Variants in ANKH observed in about 807,000 individuals in gnomAD.
ANKH encodes the protein mineralization regulator ANKH.
Under a neutral mutation model 49.0 loss-of-function variants are expected in ANKH, and 15 were observed. The ratio of observed to expected loss-of-function variants is 0.31; its 90% CI spans 0.20 to 0.47. The LOEUF (loss-of-function observed/expected upper bound fraction) is 0.47. Among genes scored for constraint, ANKH ranks in the 20% least tolerant of loss-of-function variants. ANKH has a pLI of 1.00. For missense variants in ANKH, 429 were observed against 652.0 expected (o/e 0.66, Z 3.72); for synonymous variants, 273 against 260.0 (o/e 1.05, Z -0.48).
chr5:14,821,019 G>T (rs938146107), intron 1 of ANKH, among the ~76,000 whole-genome samples: 2 of 151,624 alleles, frequency 1.3e-5, no homozygotes, highest in East Asian at 3.9e-4. Flanking sequence ...GATTGCTTGA[G>T]CTTGGGAGAT....
intron 1 of ANKH, among the ~76,000 whole-genome samples, chr5:14,776,880 C>T (rs73050705): frequency 0.012 from 1,770 of 152,318 alleles, 40 homozygotes; most frequent in African/African-American, 0.041. Flanking sequence ...AATATGAAGC[C>T]GCCCTTTAAT....
chr5:14,812,695 C>T (rs1463032312), intron 1 of ANKH, among the ~76,000 whole-genome samples: 1 of 152,188 alleles, frequency 6.6e-6, no homozygotes, highest in East Asian at 1.9e-4. Context: ...AGTTCCTTAC[C>T]TTCCACCCTT....
At chr5:14,769,841 T>G (rs1739380178) in intron 1 of ANKH, among the ~76,000 whole-genome samples, 1 of 152,198 alleles carries the variant, frequency 6.6e-6, no homozygotes, top group Non-Finnish European at 1.5e-5. Context: ...AAGAACACCT[T>G]TAGACTAAAA....
intron 1 of ANKH, among the ~76,000 whole-genome samples, chr5:14,805,334 T>C (rs1401483157): frequency 6.6e-6 from 1 of 151,462 alleles, no homozygotes; most frequent in African/African-American, 2.4e-5. Flanking sequence ...TGCAGAACTT[T>C]GTGATCGTGT....
rs1554004778 is a variant in ANKH at position 14,771,937 on chromosome 5, A to AAC, written c.97-2747_97-2746insGT. 8.4e-3 allele frequency among the ~76,000 whole-genome samples: 1,173 copies of AAC among 140,414 alleles called. 45 individuals are homozygous for AAC. Among genetic ancestry groups the AAC allele is most frequent in the African/African-American group, 0.029 (1,083 of 37,058 alleles). 92.1% of individuals were successfully genotyped at this position (140,414 alleles called of 152,430 possible). On this transcript the variant is annotated intron_variant, in intron 1 of 11. Coordinates refer to ENST00000284268, the MANE Select transcript of ANKH (RefSeq NM_054027.6). ...TCAAAAAAAGAAAAAAAAAAAAAAA[A>AAC]AAAAAAAAAACCAAAACAAAACAAA...
chr5:14,859,202 T>G (rs773505293), intron 1 of ANKH, among the ~76,000 whole-genome samples: 22 of 152,334 alleles, frequency 1.4e-4, no homozygotes, highest in Non-Finnish European at 2.5e-4. Context: ...GTAACTACTA[T>G]TCTACCTTCT....
Position 14,871,370 on chromosome 5 carries a change from G to A in ANKH, c.78C>T (p.Ala26=), listed in dbSNP as rs1735817454. The A allele has an allele frequency of 6.2e-7, 1 of 1,613,472 alleles. No individual in the cohort carries two copies. Among genetic ancestry groups the A allele is most frequent in the Non-Finnish European group, 8.5e-7 (1 of 1,179,692 alleles). The change falls in exon 1 of 12, where the codon GCC becomes GCT. Residue 26 remains alanine, a synonymous_variant. Transcript: ENST00000284268. The part of the protein sequence containing the change: ...FLVPLGITNI[A]IDFGEQALNR... ...GGCTTACCTGCTCCCCGAAGTCGAT[G>A]GCTATGTTGGTGATGCCCAGGGGCA... is the stretch of plus-strand genomic sequence containing the variant.
intron 2 of ANKH, among the ~76,000 whole-genome samples, chr5:14,767,236 G>A (rs748399888): frequency 2.0e-5 from 3 of 152,182 alleles, no homozygotes; most frequent in Non-Finnish European, 4.4e-5. Context: ...GAACAAAGAT[G>A]CCCGACGTAG....
intron 1 of ANKH, among the ~76,000 whole-genome samples, chr5:14,777,282 A>T (rs1200239590): frequency 2.0e-5 from 3 of 152,168 alleles, no homozygotes; most frequent in African/African-American, 7.2e-5. Flanking sequence ...GCAAAACTCC[A>T]TCACAAAAAC....
chr5:14,810,072 G>A (rs576351750), intron 1 of ANKH, among the ~76,000 whole-genome samples: 23 of 152,008 alleles, frequency 1.5e-4, no homozygotes, highest in Admixed American at 1.2e-3. Context: ...TAGCTTCTGC[G>A]TTTCTCTACA....
intron 1 of ANKH, among the ~76,000 whole-genome samples, chr5:14,794,489 T>C (rs998841779): frequency 6.6e-6 from 1 of 152,232 alleles, no homozygotes; most frequent in Non-Finnish European, 1.5e-5. Context: ...CCTATCTTCT[T>C]TCGTATCCTA....
At chr5:14,711,384 C>T in intron 11 of ANKH, 74 bp from the exon 12 acceptor site, 3 of 1,333,912 alleles carry the variant, frequency 2.2e-6, no homozygotes, top group Non-Finnish European at 3.2e-6. Flanking sequence ...AGCAGGGAGA[C>T]AACACCGGGG....
At chr5:14,821,127 C>T (rs1414406804) in intron 1 of ANKH, among the ~76,000 whole-genome samples, 1 of 151,446 alleles carries the variant, frequency 6.6e-6, no homozygotes, top group East Asian at 1.9e-4. Flanking sequence ...AGTTATTAAA[C>T]TTCAAAACAT....
At chr5:14,805,750 G>A (rs1740693293) in intron 1 of ANKH, among the ~76,000 whole-genome samples, 2 of 151,912 alleles carry the variant, frequency 1.3e-5, no homozygotes, top group Admixed American at 6.6e-5. Context: ...GATGCCTAAC[G>A]GCCCTGCAGA....
chr5:14,863,136 A>G (rs1025365095), intron 1 of ANKH, among the ~76,000 whole-genome samples: 3 of 152,230 alleles, frequency 2.0e-5, no homozygotes, highest in Non-Finnish European at 4.4e-5. Flanking sequence ...AGTTACTGAA[A>G]CCAGTAGCAA....
chr5:14,720,491 G>C (rs1033365391), intron 8 of ANKH, among the ~76,000 whole-genome samples: 1 of 152,154 alleles, frequency 6.6e-6, no homozygotes, highest in Non-Finnish European at 1.5e-5. Flanking sequence ...CATGGAGTTG[G>C]AACACTATTT....
intron 1 of ANKH, among the ~76,000 whole-genome samples, chr5:14,806,152 C>T (rs1040043623): frequency 6.6e-6 from 1 of 152,152 alleles, no homozygotes; most frequent in African/African-American, 2.4e-5. Flanking sequence ...TTCTGGAAAA[C>T]ACTAAAGGTA....
chr5:14,825,195 A>G (rs189914611), intron 1 of ANKH, among the ~76,000 whole-genome samples: 86 of 152,350 alleles, frequency 5.6e-4, no homozygotes, highest in African/African-American at 1.8e-3. Flanking sequence ...CAAATACCCA[A>G]CTGCCTTGTG....
intron 1 of ANKH, among the ~76,000 whole-genome samples, chr5:14,835,120 A>G (rs1741615979): frequency 6.6e-6 from 1 of 152,236 alleles, no homozygotes. Context: ...ATGGTGATGT[A>G]ATCTTTACAA....
Sources: allele counts gnomAD v4.1 joint callset (sites outside exome capture counted in the v4.1 genomes callset), GRCh38; gene constraint gnomAD v4.1.1; transcripts MANE v1.5; gene names NCBI Gene and HGNC (gene_info 2026-07-23, HGNC 2026-07-21).